The following CECR2 variants were observed in gnomAD, a reference collection of about 807,000 sequenced individuals.
CECR2 encodes the protein CECR2 histone acetyl-lysine reader, also known as chromatin remodeling regulator CECR2.
CECR2 carries 30 observed loss-of-function variants against 154.5 expected under a neutral mutation model. The ratio of observed to expected loss-of-function variants is 0.19; its 90% CI spans 0.15 to 0.26. The LOEUF (loss-of-function observed/expected upper bound fraction) is 0.26. Ranked by LOEUF, CECR2 falls within the 10% of genes least tolerant of loss-of-function variation. The pLI is 1.00. For missense variants in CECR2, 1,743 were observed against 1,829.3 expected, an observed-to-expected ratio of 0.95 and a Z score of 0.86; for synonymous variants, 725 against 683.7, an observed-to-expected ratio of 1.06 and a Z score of -0.94.
At chr22:17,545,392 A>C (rs1421977930) in intron 16 of CECR2, among the ~76,000 whole-genome samples, 1 of 151,012 alleles carries the variant, frequency 6.6e-6, no homozygotes, top group Non-Finnish European at 1.5e-5. Flanking sequence ...AAAAAAAAAA[A>C]AAAAAGAAAT....
At chr22:17,451,631 G>A (rs1337443725) in intron 1 of CECR2, among the ~76,000 whole-genome samples, 2 of 152,170 alleles carry the variant, frequency 1.3e-5, no homozygotes, top group African/African-American at 4.8e-5. Context: ...GCTTTTCAAC[G>A]GTGGTTTCCT....
chr22:17,528,021 G>C (rs1317139414), intron 9 of CECR2, among the ~76,000 whole-genome samples: 1 of 152,128 alleles, frequency 6.6e-6, no homozygotes, highest in Non-Finnish European at 1.5e-5. Flanking sequence ...ACTAAAAAGA[G>C]AGCTACCATA....
chr22:17,364,671 C>T (rs1307728743), upstream of CECR2, among the ~76,000 whole-genome samples: 1 of 152,010 alleles, frequency 6.6e-6, no homozygotes, highest in Non-Finnish European at 1.5e-5. Flanking sequence ...TGGTGAAACG[C>T]CATCTCTACT....
intron 2 of CECR2, among the ~76,000 whole-genome samples, chr22:17,487,544 A>G (rs548082450): frequency 7.2e-5 from 11 of 152,304 alleles, no homozygotes; most frequent in African/African-American, 1.9e-4. Flanking sequence ...CTTAAAAAAT[A>G]TAAAAAATCA....
At chr22:17,406,349 C>T (rs918461460) in intron 1 of CECR2, among the ~76,000 whole-genome samples, 2 of 152,004 alleles carry the variant, frequency 1.3e-5, no homozygotes, top group African/African-American at 4.8e-5. Context: ...GACGAAACCC[C>T]GTCTCTACTA....
At chr22:17,404,369 T>TTTTTTTTTG in intron 1 of CECR2, among the ~76,000 whole-genome samples, 1 of 49,770 alleles carries the variant, frequency 2.0e-5, no homozygotes, top group Non-Finnish European at 4.4e-5. Context: ...CTGTTCTTTC[T>TTTTTTTTTG]TTTTTTTTTT....
At chr22:17,381,804 C>T (rs548305816) in intron 1 of CECR2, among the ~76,000 whole-genome samples, 166 of 152,156 alleles carry the variant, frequency 1.1e-3, no homozygotes, top group African/African-American at 3.2e-3. Context: ...GCGAGTGAAA[C>T]GCTTCCTGGA....
chr22:17,507,334 A>G (rs1174641421), intron 7 of CECR2, among the ~76,000 whole-genome samples: 1 of 152,218 alleles, frequency 6.6e-6, no homozygotes, highest in Non-Finnish European at 1.5e-5. Context: ...TTCATGTACG[A>G]TAATTGCATT....
Position 17,540,794 on chromosome 22 carries a change from C to T in CECR2, c.1878C>T (p.Asn626=). The change falls in exon 14 of 19, where the codon AAC becomes AAT. Residue 626 remains asparagine, a synonymous_variant. Coordinates refer to ENST00000262608, the MANE Select transcript of CECR2 (RefSeq NM_001290047.2). ...GGTPSQAPFL[N]QMRPAVPGTF... ...CACCCAGCCAGGCACCCTTTTTAAA[C>T]CAGATGGTAAGGAATAGAGTGGAGA... 1 of 1,570,218 alleles carries T rather than the reference C, an allele frequency of 6.4e-7. No individual in the cohort carries two copies. Among genetic ancestry groups the T allele is most frequent in the Non-Finnish European group, 8.6e-7 (1 of 1,157,632 alleles).
At chr22:17,513,462 A>G (rs2055996770) in intron 8 of CECR2, among the ~76,000 whole-genome samples, 1 of 152,248 alleles carries the variant, frequency 6.6e-6, no homozygotes. Flanking sequence ...GTCAGTAACT[A>G]AACACATTCT....
At chr22:17,531,340 A>G (rs1383939585) in intron 9 of CECR2, among the ~76,000 whole-genome samples, 1 of 152,260 alleles carries the variant, frequency 6.6e-6, no homozygotes, top group Non-Finnish European at 1.5e-5. Context: ...TCGCAGATGC[A>G]GGACCATCCA....
chr22:17,546,129 A>C (rs1222243760), intron 16 of CECR2, among the ~76,000 whole-genome samples: 1 of 152,174 alleles, frequency 6.6e-6, no homozygotes, highest in Non-Finnish European at 1.5e-5. Context: ...TACTTTGTTA[A>C]CACCACCTCT....
intron 1 of CECR2, among the ~76,000 whole-genome samples, chr22:17,420,247 C>G (rs1321865913): frequency 1.3e-5 from 2 of 148,644 alleles, no homozygotes; most frequent in Non-Finnish European, 2.9e-5. Context: ...GGCAGAAGCT[C>G]CTTTAGATTG....
intron 1 of CECR2, among the ~76,000 whole-genome samples, chr22:17,447,881 T>G (rs113913083): frequency 3.6e-4 from 54 of 151,816 alleles, no homozygotes; most frequent in Admixed American, 7.2e-4. Flanking sequence ...AGTGTTTTTT[T>G]TTTGTTTGTT....
In CECR2 at chr22:17,370,712, C is replaced by T. The variant is rs112791405; in HGVS notation, c.126+803C>T. On this transcript the variant is annotated intron_variant, in intron 1 of 18. Coordinates refer to ENST00000262608, the MANE Select transcript of CECR2 (RefSeq NM_001290047.2). Reference sequence around the variant, plus strand: ...GGCTTTGTGATAACTGGGCCGAAACCCGAGGGTCCTGGAGCGCGGCGGGTG... The same window carrying T: ...GGCTTTGTGATAACTGGGCCGAAACTCGAGGGTCCTGGAGCGCGGCGGGTG... Among the ~76,000 whole-genome samples the T allele has an allele frequency of 4.8e-3, 738 of 152,272 alleles. 4 individuals carry two copies. The highest frequency in any genetic ancestry group is 8.7e-3 in the Non-Finnish European group (590 of 68,008).
intron 14 of CECR2, 35 bp downstream of exon 14, chr22:17,540,835 C>T (rs2056512469): frequency 6.7e-7 from 1 of 1,501,824 alleles, no homozygotes; most frequent in Non-Finnish European, 8.9e-7. Flanking sequence ...GCGGTTTCTC[C>T]TAGTTTGTGA....
Position 17,555,262 on chromosome 22 carries a change from C to T in CECR2, c.*2422C>T. ...GTCAGTAAATCCCTTTATCCTTAAT[C>T]TCCCTTCTTGGTTTTCGACAGAAAA... On this transcript the variant is annotated 3_prime_UTR_variant, in exon 19 of 19. Transcript: ENST00000262608. The T allele has an allele frequency of 6.6e-6, 1 of 152,230 alleles. No homozygotes were observed. Among genetic ancestry groups the T allele is most frequent in the East Asian group, 1.9e-4 (1 of 5,200 alleles). 9.4% of individuals were successfully genotyped at this position (152,230 alleles called of 1,614,324 possible).
At chr22:17,437,883 T>C (rs770920464) in intron 1 of CECR2, among the ~76,000 whole-genome samples, 12 of 152,216 alleles carry the variant, frequency 7.9e-5, no homozygotes, top group African/African-American at 1.7e-4. Flanking sequence ...TTAACCAATG[T>C]TGACCATGAA....
chr22:17,548,854 G>A lies in CECR2; in HGVS notation c.3567G>A (p.Pro1189=), dbSNP rs367605937. Residue 1189 remains proline, a synonymous_variant, in exon 17 of 19, where the codon CCG becomes CCA. Transcript: ENST00000262608. ...PQGMRYSYHP[P]PQPSYHHYQR... ...GAATGAGGTATTCCTACCACCCACC[G>A]CCACAGCCTTCCTACCACCACTATC... 44 of 1,613,256 alleles carry A rather than the reference G, an allele frequency of 2.7e-5. No homozygotes were observed. The highest frequency in any genetic ancestry group is 3.4e-5 in the Non-Finnish European group (40 of 1,179,544).
Sources: allele counts gnomAD v4.1 joint callset (sites outside exome capture counted in the v4.1 genomes callset), GRCh38; gene constraint gnomAD v4.1.1; transcripts MANE v1.5; gene names NCBI Gene and HGNC (gene_info 2026-07-23, HGNC 2026-07-21).